Variants in ZNF407 observed in about 807,000 individuals in gnomAD.
ZNF407 encodes the protein zinc finger protein 407.
A neutral mutation model predicts 131.2 loss-of-function variants in ZNF407; 17 were observed. The observed-to-expected ratio is 0.13, with a 90% confidence interval of 0.09 to 0.19. ZNF407 has a LOEUF of 0.19. Ranked by LOEUF, ZNF407 falls within the 10% of genes least tolerant of loss-of-function variation. ZNF407 has a pLI of 1.00. For missense variants in ZNF407, 2,681 were observed against 2,830.6 expected (o/e 0.95, Z 1.20); for synonymous variants, 1,156 against 1,062.0 (o/e 1.09, Z -1.72).
In ZNF407 at chr18:74,862,523, T is replaced by A. The variant is rs528242262; in HGVS notation, c.4878-14674T>A. Among the ~76,000 whole-genome samples the A allele has an allele frequency of 2.0e-5, 3 of 152,348 alleles. No homozygotes were observed. In the East Asian group the frequency reaches 5.8e-4, roughly 29 times the overall value. On this transcript the variant is annotated intron_variant, in intron 4 of 8. Transcript: ENST00000299687. ...GCTGTTTTTACTATAAAGCTGTAGC[T>A]ATCTTTTTGTTTTGTTTGCCGAAGT...
intron 8 of ZNF407, among the ~76,000 whole-genome samples, chr18:74,951,288 G>T (rs1972210769): frequency 6.6e-6 from 1 of 152,190 alleles, no homozygotes; most frequent in Admixed American, 6.5e-5. Flanking sequence ...AATGAGAAGG[G>T]AAGGCAGGAG....
At chr18:74,835,627 GGGGTGTGTGTGTGTGTGTGTGTGTGTGT>G (rs1436883887) in intron 4 of ZNF407, among the ~76,000 whole-genome samples, 1 of 117,436 alleles carries the variant, frequency 8.5e-6, no homozygotes, top group Non-Finnish European at 1.8e-5. Context: ...TGGACAGAGG[GGGGTGTGTGTGTGTGTGTGTGTGTGTGT>G]GTGTGTGTGT....
chr18:74,894,373 T>C (rs550163467), intron 7 of ZNF407, among the ~76,000 whole-genome samples: 3 of 151,796 alleles, frequency 2.0e-5, no homozygotes, highest in Non-Finnish European at 4.4e-5. Context: ...TGAAAAAAAA[T>C]AACATTTTTC....
rs1397659210 is a variant in ZNF407 at position 74,634,023 on chromosome 18, C to T, written c.3004C>T (p.Pro1002Ser). Reference protein sequence around the residue: ...ISSEPEDFAQPGDVYSQRDVT... With the variant: ...ISSEPEDFAQSGDVYSQRDVT... ...TTCAGAGCCAGAGGACTTCGCCCAG[C>T]CGGGGGATGTGTACTCCCAGAGAGA... The change falls in exon 2 of 9, where the codon CCG (proline) becomes TCG (serine). Residue 1002 changes from proline (P) to serine (S), a missense_variant. By Grantham distance (74) the Pro-to-Ser change is moderately conservative (BLOSUM62 -1). This residue lies in a region of ZNF407 where 1,789 missense variants were observed against 1,748.7 expected (regional missense o/e 1.02). Transcript: ENST00000299687. 6.2e-7 allele frequency: 1 copy of T among 1,613,974 alleles called. No homozygotes were observed. The highest frequency in any genetic ancestry group is 1.7e-5 in the Admixed American group (1 of 60,026).
chr18:74,934,015 G>A (rs780970107), intron 8 of ZNF407, among the ~76,000 whole-genome samples: 8 of 151,762 alleles, frequency 5.3e-5, no homozygotes, highest in Non-Finnish European at 8.8e-5. Flanking sequence ...TATACTGTAG[G>A]CCCCAACTAG....
chr18:74,798,818 T>C (rs1483169779), intron 4 of ZNF407, among the ~76,000 whole-genome samples: 2 of 152,228 alleles, frequency 1.3e-5, no homozygotes, highest in Admixed American at 1.3e-4. Context: ...AACTTAATTT[T>C]ATTTTTGCAA....
chr18:74,603,038 G>A (rs748698098), intron 1 of ZNF407, among the ~76,000 whole-genome samples: 2 of 152,198 alleles, frequency 1.3e-5, no homozygotes, highest in Non-Finnish European at 2.9e-5. Context: ...ATGGGGCAGT[G>A]TAGCATTTGG....
At chr18:74,614,193 A>T (rs1046042982) in intron 1 of ZNF407, among the ~76,000 whole-genome samples, 2 of 152,262 alleles carry the variant, frequency 1.3e-5, no homozygotes, top group Admixed American at 1.3e-4. Flanking sequence ...AAAATAGCTT[A>T]GAAAGAAAAG....
chr18:74,678,716 T>G (rs536419927), intron 3 of ZNF407, among the ~76,000 whole-genome samples: 2 of 152,212 alleles, frequency 1.3e-5, no homozygotes, highest in Non-Finnish European at 2.9e-5. Context: ...CGTTTGAAAT[T>G]AACAGAAGCT....
chr18:74,640,568 A>G (rs372993768), intron 2 of ZNF407, among the ~76,000 whole-genome samples: 3 of 152,214 alleles, frequency 2.0e-5, no homozygotes, highest in Admixed American at 6.5e-5. Flanking sequence ...ATGAGGAAAC[A>G]AGGAGGTGGC....
intron 3 of ZNF407, among the ~76,000 whole-genome samples, chr18:74,664,580 G>T (rs1465078080): frequency 2.6e-5 from 4 of 152,152 alleles, no homozygotes; most frequent in Admixed American, 2.6e-4. Context: ...CTTTAAAAAA[G>T]TGACTTTAAA....
At chr18:74,751,803 G>A (rs1968810226) in intron 3 of ZNF407, among the ~76,000 whole-genome samples, 1 of 152,188 alleles carries the variant, frequency 6.6e-6, no homozygotes, top group African/African-American at 2.4e-5. Flanking sequence ...CCAAGTCTTT[G>A]CTATTGTGAA....
At chr18:74,884,250 A>G (rs1427235580) in intron 6 of ZNF407, among the ~76,000 whole-genome samples, 4 of 152,198 alleles carry the variant, frequency 2.6e-5, no homozygotes, top group African/African-American at 7.2e-5. Flanking sequence ...AGTCAGGTCT[A>G]TATTTTTGTC....
intron 7 of ZNF407, among the ~76,000 whole-genome samples, chr18:74,911,930 G>T (rs1000781931): frequency 2.6e-5 from 4 of 152,146 alleles, no homozygotes; most frequent in African/African-American, 9.7e-5. Context: ...GCGGTGGGTT[G>T]TAGGAGCTTT....
At chr18:74,957,483 T>C (rs1033401053) in intron 8 of ZNF407, among the ~76,000 whole-genome samples, 1 of 152,048 alleles carries the variant, frequency 6.6e-6, no homozygotes, top group Non-Finnish European at 1.5e-5. Context: ...AATTTTGAAA[T>C]TGTTCTAAGG....
chr18:74,706,897 TC>T lies in ZNF407; in HGVS notation c.4802+65778del, dbSNP rs1967636922. The stretch of plus-strand genomic sequence containing the variant: ...TTCTTCTTATGCACTTTATGGCTTT[TC>T]CCTCAGCTGCACTGTTCATTCCACA... On this transcript the variant is annotated intron_variant, in intron 3 of 8. Coordinates refer to ENST00000299687, the MANE Select transcript of ZNF407 (RefSeq NM_017757.3). Among the ~76,000 whole-genome samples the T allele has an allele frequency of 2.6e-5, 4 of 151,558 alleles. No individual in the cohort carries two copies. The South Asian group carries it at 8.4e-4, about 32-fold the overall frequency.
At chr18:74,650,453 C>T (rs1985175583) in intron 3 of ZNF407, among the ~76,000 whole-genome samples, 1 of 152,154 alleles carries the variant, frequency 6.6e-6, no homozygotes, top group Non-Finnish European at 1.5e-5. Context: ...GACTTGTAAA[C>T]ATTGAGAGAA....
chr18:75,062,001 G>C (rs1219584832), intron 8 of ZNF407: 1 of 152,252 alleles, frequency 6.6e-6, no homozygotes, highest in African/African-American at 2.4e-5. Flanking sequence ...CCTCTCTGCA[G>C]CCCATAGCCC....
At chr18:74,927,853 A>G (rs904856692) in intron 8 of ZNF407, among the ~76,000 whole-genome samples, 1 of 152,220 alleles carries the variant, frequency 6.6e-6, no homozygotes. Flanking sequence ...ATTCATACAT[A>G]CATATTAGTG....
Sources: gnomAD v4.1 joint callset for allele counts (sites outside exome capture counted in the v4.1 genomes callset) on GRCh38, gnomAD v4.1.1 for gene constraint, gnomAD v4.1.1 regional missense constraint, MANE v1.5 for transcripts, NCBI Gene and HGNC (gene_info 2026-07-23, HGNC 2026-07-21) for gene names.